PRR35: variants seen among roughly 807,000 people sequenced by gnomAD.
PRR35 encodes proline-rich protein 35.
Under a neutral mutation model 18.6 loss-of-function variants are expected in PRR35, and 14 were observed. The ratio of observed to expected loss-of-function variants is 0.75; its 90% CI spans 0.50 to 1.18. The LOEUF is 1.18. Ranked by LOEUF, PRR35 falls within the 50% of genes most tolerant of loss-of-function variation. The pLI is 0.00. For synonymous variants in PRR35, 425 were observed against 378.2 expected (o/e 1.12, Z -1.43); for missense variants, 832 against 792.2 (o/e 1.05, Z -0.60).
rs1189117840 is a variant in PRR35 at position 564,158 on chromosome 16, C to T, written c.864C>T (p.Val288=). ...AAGCTGCCCTTGCCAAGGCCCCTGT[C>T]TCCCCCAGGAGCCCCTCTGGGACTC... ...AGKAALAKAP[V]SPRSPSGTPA... Residue 288 remains valine, a synonymous_variant, in exon 2 of 3, where the codon GTC becomes GTT. Coordinates refer to ENST00000409413, the MANE Select transcript of PRR35 (RefSeq NM_145270.3). 1 of 1,568,074 alleles carries T rather than the reference C, an allele frequency of 6.4e-7. No individual in the cohort carries two copies. The highest frequency in any genetic ancestry group is 2.3e-5 in the East Asian group (1 of 42,612).
In PRR35 at chr16:565,313, A is replaced by G; in HGVS notation, c.*6A>G. 1 of 1,482,842 alleles carries G rather than the reference A, an allele frequency of 6.7e-7. No individual in the cohort carries two copies. The highest frequency in any genetic ancestry group is 9.0e-7 in the Non-Finnish European group (1 of 1,115,632). The allele number at this position is 1,482,842 out of a possible 1,614,324, so 91.9% of individuals were successfully genotyped here. A position where few individuals can be genotyped will look rare whatever the true frequency, so the allele number is the denominator to read the frequency against. ...CCCAGGGCGCCGAGGTCTGACCTGC[A>G]GCGCCTGAGGTCTGACTGTCTCTGC... On this transcript the variant is annotated 3_prime_UTR_variant, in exon 3 of 3. Transcript: ENST00000409413.
chr16:565,038 G>T lies in PRR35; in HGVS notation c.1447G>T (p.Ala483Ser). Residue 483 changes from alanine (A) to serine (S), a missense_variant, in exon 3 of 3, where the codon GCG (alanine) becomes TCG (serine). Around this residue, in one of 3 missense-constraint regions of PRR35, gnomAD observed 768 missense variants for 704.1 expected, o/e 1.09. Transcript: ENST00000409413. ...PAKGPQALGE[A>S]WGRPELGPVL... ...CAAGGGGCCCCAGGCTCTTGGAGAG[G>T]CGTGGGGGCGGCCCGAGCTGGGTCC... The T allele has an allele frequency of 6.3e-7, 1 of 1,597,318 alleles. No homozygotes were observed. Among genetic ancestry groups the T allele is most frequent in the Non-Finnish European group, 8.5e-7 (1 of 1,172,848 alleles).
Position 564,048 on chromosome 16 carries a change from G to T in PRR35, c.754G>T (p.Val252Leu). 6.5e-7 allele frequency: 1 copy of T among 1,543,144 alleles called. No homozygotes were observed. The change falls in exon 2 of 3, where the codon GTG becomes TTG. Residue 252 changes from valine to leucine, a missense_variant. Around this residue, in one of 3 missense-constraint regions of PRR35, gnomAD observed 768 missense variants for 704.1 expected, o/e 1.09. Transcript: ENST00000409413. ...LLPPATAFPA[V>L]QPPQRPTPAP... The stretch of plus-strand genomic sequence containing the variant: ...GCCCCCGGCCACGGCCTTCCCAGCC[G>T]TGCAGCCCCCTCAGCGCCCCACCCC...
At chr16:564,401 C>A (rs1342289176) in intron 2 of PRR35, 25 bp downstream of exon 2, 25 of 1,588,150 alleles carry the variant, frequency 1.6e-5, no homozygotes, top group Non-Finnish European at 2.1e-5. Flanking sequence ...CTCCCGGTTC[C>A]TGGGGTGGAC....
In PRR35 at chr16:564,373, G is replaced by A. The variant is rs747983592; in HGVS notation, c.1079G>A (p.Ser360Asn). The change falls in exon 2 of 3, where the codon AGC (serine) becomes AAC (asparagine). Residue 360 changes from serine (S) to asparagine (N), a missense_variant. By Grantham distance (46) the Ser-to-Asn change is conservative. Coordinates refer to ENST00000409413, the MANE Select transcript of PRR35 (RefSeq NM_145270.3). ...AGCCTGACAAGGTTCTGTTCCCGGA[G>A]CAGGTGGGCGTCTTGGGCTCCCGGT... ...SPSLTRFCSR[S>N]SLPTGSSVML... The A allele has an allele frequency of 3.1e-6, 5 of 1,589,800 alleles. No homozygotes were observed. Among genetic ancestry groups the A allele is most frequent in the Non-Finnish European group, 3.4e-6 (4 of 1,175,780 alleles).
intron 1 of PRR35, among the ~76,000 whole-genome samples, chr16:562,569 A>G (rs902392531): frequency 2.0e-5 from 3 of 150,140 alleles, no homozygotes; most frequent in East Asian, 2.0e-4. Flanking sequence ...ACACACGTGC[A>G]TGCACACGCA....
In PRR35 at chr16:560,644, G is replaced by A. The variant is rs1352875427; in HGVS notation, c.-57G>A. 2.2e-6 allele frequency: 2 copies of A among 924,876 alleles called. No homozygotes were observed. The highest frequency in any genetic ancestry group is 2.5e-6 in the Non-Finnish European group (2 of 790,574). 57.3% of individuals were successfully genotyped at this position (924,876 alleles called of 1,614,324 possible). A position where few individuals can be genotyped will look rare whatever the true frequency, so the allele number is the denominator to read the frequency against. The stretch of plus-strand genomic sequence containing the variant: ...GCGGCCTCGCAGACTTGGCGGCTCC[G>A]CTCCCGGCCGGGCGCAGGTAGGAGC... On this transcript the variant is annotated 5_prime_UTR_variant, in exon 1 of 3. Coordinates refer to ENST00000409413, the MANE Select transcript of PRR35 (RefSeq NM_145270.3).
intron 1 of PRR35, among the ~76,000 whole-genome samples, chr16:563,035 C>CTTTTTTT (rs61007293): frequency 1.8e-4 from 24 of 131,028 alleles, no homozygotes; most frequent in African/African-American, 5.6e-4. Flanking sequence ...CTGTCCTGGA[C>CTTTTTTT]TTTTTTTTTT....
At chr16:562,792 A>G (rs944242772) in intron 1 of PRR35, among the ~76,000 whole-genome samples, 6 of 152,144 alleles carry the variant, frequency 3.9e-5, no homozygotes, top group Admixed American at 6.5e-5. Context: ...AGCCACTCAC[A>G]TGCTGTGGGG....
At chr16:562,551 G>GCACGCACACACACGTGCATGCA (rs1425615606) in intron 1 of PRR35, among the ~76,000 whole-genome samples, 1 of 150,998 alleles carries the variant, frequency 6.6e-6, no homozygotes, top group Admixed American at 6.6e-5. Context: ...ACACGCACAT[G>GCACGCACACACACGTGCATGCA]CACGCACACA....
At position 560,459 on chromosome 16, in the gene PRR35, C is replaced by A. The variant is rs1310750132; in HGVS notation, c.-242C>A. On this transcript the variant is annotated 5_prime_UTR_variant, in exon 1 of 3. Coordinates refer to ENST00000409413, the MANE Select transcript of PRR35 (RefSeq NM_145270.3). Reference sequence around the variant, plus strand: ...GCGGCGGAGGCTGCGGGAGTCGCTGCCGCTCGAGGGACCGCGGACCCGGGA... The same window carrying A: ...GCGGCGGAGGCTGCGGGAGTCGCTGACGCTCGAGGGACCGCGGACCCGGGA... The A allele has an allele frequency of 1.2e-5, 12 of 982,760 alleles. No individual in the cohort carries two copies. Among genetic ancestry groups the A allele is most frequent in the Non-Finnish European group, 1.4e-5 (12 of 828,986 alleles). 60.9% of individuals were successfully genotyped at this position (982,760 alleles called of 1,614,324 possible).
Position 565,416 on chromosome 16 carries a change from G to A in PRR35, c.*109G>A, listed in dbSNP as rs1717786917. ...CCTGCCCCGCCTCCGCATGCATGTGGATAGACCCCCACGGGCCGTGGCCAA... is the reference window on the plus strand; with the variant it reads ...CCTGCCCCGCCTCCGCATGCATGTGAATAGACCCCCACGGGCCGTGGCCAA... On this transcript the variant is annotated 3_prime_UTR_variant, in exon 3 of 3. Transcript: ENST00000409413. The A allele has an allele frequency of 8.2e-7, 1 of 1,213,198 alleles. No individual in the cohort carries two copies. The highest frequency in any genetic ancestry group is 3.4e-5 in the Admixed American group (1 of 29,376). 75.2% of individuals were successfully genotyped at this position (1,213,198 alleles called of 1,614,324 possible).
intron 2 of PRR35, 69 bp downstream of exon 2, chr16:564,445 C>T (rs57546191): frequency 0.22 from 348,348 of 1,549,882 alleles, 41,665 homozygotes; most frequent in South Asian, 0.34. Flanking sequence ...GGCGGTTGGG[C>T]GGCTGGGCAT....
In PRR35 at chr16:563,553, G is replaced by A. The variant is rs375783540; in HGVS notation, c.259G>A (p.Ala87Thr). The A allele has an allele frequency of 2.9e-5, 46 of 1,609,430 alleles. No homozygotes were observed. The highest frequency in any genetic ancestry group is 1.0e-4 in the Admixed American group (6 of 59,746). ...RRGSTTPRPHAPTPDRPGESD... is the reference protein window; with the variant it reads ...RRGSTTPRPHTPTPDRPGESD... ...TGGCTCCACCACGCCTAGGCCCCAC[G>A]CACCCACCCCAGACCGCCCTGGGGA... The change falls in exon 2 of 3, where the codon GCA becomes ACA. Residue 87 changes from alanine (A) to threonine (T), a missense_variant. Physicochemically the swap from Ala to Thr is moderately conservative, Grantham distance 58. Around this residue, in one of 3 missense-constraint regions of PRR35, gnomAD observed 768 missense variants for 704.1 expected, o/e 1.09. Coordinates refer to ENST00000409413, the MANE Select transcript of PRR35 (RefSeq NM_145270.3).
chr16:562,955 T>TA (rs1184334696), intron 1 of PRR35, among the ~76,000 whole-genome samples: 3 of 151,946 alleles, frequency 2.0e-5, no homozygotes, highest in African/African-American at 4.8e-5. Context: ...AGTGTGCCTT[T>TA]CCAATATTGC....
rs2035522106 is a variant in PRR35, at chr16:565,336, T to C, written c.*29T>C. The stretch of plus-strand genomic sequence containing the variant: ...GCAGCGCCTGAGGTCTGACTGTCTC[T>C]GCCTGCAGCATGCCGGCCCCTCTCC... On this transcript the variant is annotated 3_prime_UTR_variant, in exon 3 of 3. Transcript: ENST00000409413. The C allele has an allele frequency of 3.5e-6, 5 of 1,442,502 alleles. No individual in the cohort carries two copies. The highest frequency in any genetic ancestry group is 4.6e-6 in the Non-Finnish European group (5 of 1,097,388). The allele number at this position is 1,442,502 out of a possible 1,614,324, so 89.4% of individuals were successfully genotyped here. A position where few individuals can be genotyped will look rare whatever the true frequency, so the allele number is the denominator to read the frequency against.
rs139703802 is a variant in PRR35 at position 562,898 on chromosome 16, G to A, written c.-39-358G>A. Among the ~76,000 whole-genome samples, 1,064 of 152,334 alleles carry A rather than the reference G, an allele frequency of 7.0e-3. 6 individuals are homozygous for A. Among genetic ancestry groups the A allele is most frequent in the Middle Eastern group, 0.044 (13 of 294 alleles). On this transcript the variant is annotated intron_variant, in intron 1 of 2. Transcript: ENST00000409413. ...TGTAGGGTCAACCGATAAAATAAAGGACGCCTAGTTAAAATCGAATTTCCG... is the reference window on the plus strand; with the variant it reads ...TGTAGGGTCAACCGATAAAATAAAGAACGCCTAGTTAAAATCGAATTTCCG...
Position 564,944 on chromosome 16 carries a change from C to T in PRR35, c.1353C>T (p.His451=), listed in dbSNP as rs1186159774. Residue 451 remains histidine (H), a synonymous_variant, in exon 3 of 3, where the codon CAC becomes CAT. Coordinates refer to ENST00000409413, the MANE Select transcript of PRR35 (RefSeq NM_145270.3). ...TCCGCCTGGAGCTGCTCACCATTCA[C>T]CAGGCGCTGGAGCAGGCCGTGAGGC... ...GKIRLELLTI[H]QALEQAVRPP... The T allele has an allele frequency of 1.2e-6, 2 of 1,604,856 alleles. No individual in the cohort carries two copies. Among genetic ancestry groups the T allele is most frequent in the East Asian group, 4.5e-5 (2 of 44,744 alleles).
chr16:563,196 G>T (rs1178845168), intron 1 of PRR35, 60 bp from the exon 2 acceptor site: 1 of 1,402,052 alleles, frequency 7.1e-7, no homozygotes, highest in African/African-American at 1.4e-5. Context: ...AGCCATGGAT[G>T]GAGAGGAGTG....
Sources: allele counts gnomAD v4.1 joint callset (sites outside exome capture counted in the v4.1 genomes callset), GRCh38; gene constraint gnomAD v4.1.1; regional missense constraint gnomAD v4.1.1; transcripts MANE v1.5; gene names NCBI Gene and HGNC (gene_info 2026-07-23, HGNC 2026-07-21).